Variants in LMOD1 observed in about 807,000 individuals in gnomAD.
LMOD1 encodes the protein leiomodin 1, also known as leiomodin-1.
LMOD1 carries 8 observed loss-of-function variants against 36.5 expected under a neutral mutation model. That is an observed-to-expected ratio of 0.22 (90% CI 0.13 to 0.40). LMOD1 has a LOEUF of 0.40. Among genes scored for constraint, LMOD1 ranks in the 10% least tolerant of loss-of-function variants. The probability of loss-of-function intolerance (pLI) is 1.00; values close to 1 mark genes in which losing one functional copy is unlikely to be tolerated. For missense variants in LMOD1, 630 were observed against 751.1 expected (o/e 0.84, Z 1.88); for synonymous variants, 284 against 288.7 (o/e 0.98, Z 0.17).
intron 1 of LMOD1, among the ~76,000 whole-genome samples, chr1:201,925,691 C>G (rs1452958334): frequency 7.3e-6 from 1 of 137,678 alleles, no homozygotes. Context: ...CAATCTCTTT[C>G]TCTTTTCTAT....
intron 1 of LMOD1, among the ~76,000 whole-genome samples, chr1:201,902,587 C>T (rs1320996305): frequency 1.3e-5 from 2 of 152,152 alleles, no homozygotes; most frequent in Admixed American, 6.5e-5. Context: ...GCTGGGATTA[C>T]AGGTGCACAC....
intron 1 of LMOD1, among the ~76,000 whole-genome samples, chr1:201,931,861 A>C (rs1000414419): frequency 1.3e-5 from 2 of 152,096 alleles, no homozygotes; most frequent in Non-Finnish European, 2.9e-5. Flanking sequence ...TAATCATGCC[A>C]CTGCACTCCA....
chr1:201,917,702 A>G (rs750913248), intron 1 of LMOD1, among the ~76,000 whole-genome samples: 1 of 152,112 alleles, frequency 6.6e-6, no homozygotes, highest in Non-Finnish European at 1.5e-5. Context: ...CTGCTTCTTC[A>G]TTTTATCCCA....
chr1:201,941,382 G>A (rs947499795), intron 1 of LMOD1, among the ~76,000 whole-genome samples: 2 of 152,178 alleles, frequency 1.3e-5, no homozygotes, highest in Non-Finnish European at 2.9e-5. Flanking sequence ...ACTCTGGATG[G>A]AGGCAGTTTC....
At chr1:201,911,026 A>G (rs887734389) in intron 1 of LMOD1, among the ~76,000 whole-genome samples, 3 of 151,840 alleles carry the variant, frequency 2.0e-5, no homozygotes, top group African/African-American at 7.3e-5. Flanking sequence ...TGTGCTCCCC[A>G]CGGTCACAGT....
chr1:201,944,078 G>A (rs1342114858), intron 1 of LMOD1, among the ~76,000 whole-genome samples: 2 of 152,210 alleles, frequency 1.3e-5, no homozygotes, highest in Non-Finnish European at 2.9e-5. Flanking sequence ...TGGACAGGGT[G>A]AGGAAGAGTG....
chr1:201,920,155 G>A (rs1456251729), intron 1 of LMOD1, among the ~76,000 whole-genome samples: 1 of 146,488 alleles, frequency 6.8e-6, no homozygotes, highest in Admixed American at 7.2e-5. Flanking sequence ...AACCTCCGGG[G>A]TTCAAGTGAT....
In LMOD1 at chr1:201,939,269, T is replaced by A. The variant is rs558656614; in HGVS notation, c.261+6811A>T. Among the ~76,000 whole-genome samples the A allele has an allele frequency of 4.1e-3, 619 of 152,246 alleles. 6 individuals are homozygous for A. The highest frequency in any genetic ancestry group is 0.014 in the African/African-American group (602 of 41,546). Reference sequence around the variant, plus strand: ...TGTGCCAAACACTTTCAATGCCTCATCCTATTTAATCTTCACTATAACCCT... The same window carrying A: ...TGTGCCAAACACTTTCAATGCCTCAACCTATTTAATCTTCACTATAACCCT... On this transcript the variant is annotated intron_variant, in intron 1 of 2. Transcript: ENST00000367288.
chr1:201,918,461 C>T (rs533410660), intron 1 of LMOD1, among the ~76,000 whole-genome samples: 20 of 152,312 alleles, frequency 1.3e-4, no homozygotes, highest in African/African-American at 2.6e-4. Flanking sequence ...CAAAGCCCTC[C>T]GTGACCTGGC....
intron 1 of LMOD1, among the ~76,000 whole-genome samples, chr1:201,907,938 G>C (rs1032487341): frequency 3.9e-5 from 6 of 152,184 alleles, no homozygotes; most frequent in African/African-American, 1.4e-4. Context: ...CAGGGGACAA[G>C]TTCACATCAA....
chr1:201,898,452 C>T (rs772833395), intron 2 of LMOD1, 54 bp from the exon 3 acceptor site: 1 of 1,531,418 alleles, frequency 6.5e-7, no homozygotes, highest in Middle Eastern at 1.7e-4. Context: ...CACCTCACCT[C>T]CCTCCCTACT....
At chr1:201,924,705 GAAAGAAAGAAAGAA>G (rs200554077) in intron 1 of LMOD1, among the ~76,000 whole-genome samples, 9,030 of 100,772 alleles carry the variant, frequency 0.09, 583 homozygotes, top group East Asian at 0.25. Context: ...AAGAAAGAAA[GAAAGAAAGAAAGAA>G]AGAAAGAAAG....
chr1:201,905,870 C>T (rs559841390), intron 1 of LMOD1, among the ~76,000 whole-genome samples: 1 of 152,334 alleles, frequency 6.6e-6, no homozygotes, highest in South Asian at 2.1e-4. Flanking sequence ...GGCTGACTAG[C>T]ATTGACTGCA....
intron 1 of LMOD1, among the ~76,000 whole-genome samples, chr1:201,940,139 C>A (rs1682087799): frequency 6.6e-6 from 1 of 151,682 alleles, no homozygotes; most frequent in Admixed American, 6.6e-5. Context: ...TTGGTCCTGT[C>A]CATCTGTCCT....
Position 201,944,900 on chromosome 1 carries a change from G to A in LMOD1, c.261+1180C>T, listed in dbSNP as rs190988791. Among the ~76,000 whole-genome samples the A allele has an allele frequency of 1.1e-4, 17 of 152,262 alleles. 1 individual carries two copies. Among genetic ancestry groups the A allele is most frequent in the Admixed American group, 6.5e-4 (10 of 15,286 alleles). Reference sequence around the variant, plus strand: ...AATTTCATACCCAGCCAGTCATTCCGCAGGCATTTTGGATGATAATGTTCC... The same window carrying A: ...AATTTCATACCCAGCCAGTCATTCCACAGGCATTTTGGATGATAATGTTCC... On this transcript the variant is annotated intron_variant, in intron 1 of 2. Transcript: ENST00000367288.
At position 201,897,191 on chromosome 1, in the gene LMOD1, ATT is replaced by A; in HGVS notation, c.*1179_*1180del. 2 of 199,626 alleles carry A rather than the reference ATT, an allele frequency of 1.0e-5. No homozygotes were observed. The highest frequency in any genetic ancestry group is 5.3e-5 in the Admixed American group (1 of 18,944). The allele number at this position is 199,626 out of a possible 1,614,324, so 12.4% of individuals were successfully genotyped here. On this transcript the variant is annotated 3_prime_UTR_variant, in exon 3 of 3. Transcript: ENST00000367288. ...CCTAGGGCACACAGATATGGGTGCT[ATT>A]CTCCAAATAGTCACTCCACTTCTCT...
chr1:201,915,776 G>T (rs2102917156), intron 1 of LMOD1, among the ~76,000 whole-genome samples: 1 of 152,078 alleles, frequency 6.6e-6, no homozygotes. Flanking sequence ...ATGTTCCCTT[G>T]GTCCAGGCCA....
intron 1 of LMOD1, among the ~76,000 whole-genome samples, chr1:201,914,992 C>T (rs1419489392): frequency 6.6e-6 from 1 of 152,152 alleles, no homozygotes; most frequent in Non-Finnish European, 1.5e-5. Flanking sequence ...TTCCTCAATC[C>T]AACACACTCT....
intron 1 of LMOD1, among the ~76,000 whole-genome samples, chr1:201,902,407 G>C (rs923070685): frequency 5.3e-5 from 8 of 151,748 alleles, no homozygotes; most frequent in African/African-American, 1.9e-4. Flanking sequence ...ATGGGACCAA[G>C]TCAGTTGAGC....
Sources: gnomAD v4.1 joint callset for allele counts (sites outside exome capture counted in the v4.1 genomes callset) on GRCh38, gnomAD v4.1.1 for gene constraint, MANE v1.5 for transcripts, NCBI Gene and HGNC (gene_info 2026-07-23, HGNC 2026-07-21) for gene names.